The following FGF7 variants were observed in gnomAD, a reference collection of about 807,000 sequenced individuals.
FGF7 encodes the protein FGF-7.
FGF7 carries 6 observed loss-of-function variants against 20.5 expected under a neutral mutation model. The ratio of observed to expected loss-of-function variants is 0.29; its 90% CI spans 0.16 to 0.58. The LOEUF is 0.58. FGF7 is among the 20% of genes least tolerant of loss of function. The probability of loss-of-function intolerance (pLI) is 0.90; values close to 1 mark genes in which losing one functional copy is unlikely to be tolerated. For missense variants in FGF7, 144 were observed against 228.8 expected (o/e 0.63, Z 2.39); for synonymous variants, 64 against 74.7 (o/e 0.86, Z 0.74).
At chr15:49,441,477 C>T (rs1417092497) in intron 2 of FGF7, among the ~76,000 whole-genome samples, 1 of 151,564 alleles carries the variant, frequency 6.6e-6, no homozygotes, top group Admixed American at 6.6e-5. Flanking sequence ...GGCCACAGTT[C>T]CAACAGGAGC....
intron 2 of FGF7, among the ~76,000 whole-genome samples, chr15:49,436,129 TA>T (rs958228606): frequency 6.6e-6 from 1 of 151,618 alleles, no homozygotes; most frequent in African/African-American, 2.4e-5. Context: ...CTAACTGTTT[TA>T]AAATTATACA....
At chr15:49,478,697 T>C (rs1341727196) in intron 2 of FGF7, among the ~76,000 whole-genome samples, 1 of 152,160 alleles carries the variant, frequency 6.6e-6, no homozygotes, top group Non-Finnish European at 1.5e-5. Context: ...TTAGTTATCA[T>C]GCTAGCACAG....
At chr15:49,437,845 G>A (rs2051250306) in intron 2 of FGF7, among the ~76,000 whole-genome samples, 2 of 151,758 alleles carry the variant, frequency 1.3e-5, no homozygotes, top group African/African-American at 4.8e-5. Context: ...AGTAAGTACT[G>A]TGAAAAAGGT....
chr15:49,433,028 A>C (rs2050755531), intron 2 of FGF7, among the ~76,000 whole-genome samples: 2 of 151,550 alleles, frequency 1.3e-5, no homozygotes, highest in Admixed American at 1.3e-4. Context: ...TTGGAGCAAA[A>C]TTTGTTGCTA....
rs1315718811 is a variant in FGF7 at position 49,485,244 on chromosome 15, T to C, written c.*740T>C. On this transcript the variant is annotated 3_prime_UTR_variant, in exon 4 of 4. Coordinates refer to ENST00000267843, the MANE Select transcript of FGF7 (RefSeq NM_002009.4). ...TTGATGATAATACTGTACTTCATCTTACTTGCCACAAAATAACATTTTATA... is the reference window on the plus strand; with the variant it reads ...TTGATGATAATACTGTACTTCATCTCACTTGCCACAAAATAACATTTTATA... 1.3e-5 allele frequency: 2 copies of C among 152,360 alleles called. No individual in the cohort carries two copies. The highest frequency in any genetic ancestry group is 6.6e-5 in the Admixed American group (1 of 15,214). The allele number at this position is 152,360 out of a possible 1,614,324, so 9.4% of individuals were successfully genotyped here. A position where few individuals can be genotyped will look rare whatever the true frequency, so the allele number is the denominator to read the frequency against.
intron 2 of FGF7, among the ~76,000 whole-genome samples, chr15:49,438,557 AAT>A (rs201585242): frequency 0.023 from 3,534 of 151,820 alleles, 87 homozygotes; most frequent in South Asian, 0.13. Context: ...TATAAATATT[AAT>A]ACACATTATA....
chr15:49,477,450 T>A (rs2151994009), intron 2 of FGF7, among the ~76,000 whole-genome samples: 1 of 152,364 alleles, frequency 6.6e-6, no homozygotes, highest in Middle Eastern at 3.4e-3. Flanking sequence ...TTTTTCAGAC[T>A]GGTTTCTTTC....
intron 2 of FGF7, among the ~76,000 whole-genome samples, chr15:49,469,329 G>A (rs1459826827): frequency 1.3e-5 from 2 of 151,718 alleles, no homozygotes; most frequent in East Asian, 3.9e-4. Context: ...TTTATTCCAG[G>A]GATACTCTTA....
At chr15:49,470,150 A>T (rs2054608798) in intron 2 of FGF7, among the ~76,000 whole-genome samples, 3 of 152,162 alleles carry the variant, frequency 2.0e-5, no homozygotes, top group Non-Finnish European at 2.9e-5. Flanking sequence ...AAATGATGGA[A>T]TTCTAAAATG....
chr15:49,423,639 G>A (rs1434051090), intron 1 of FGF7, among the ~76,000 whole-genome samples, 199 bp downstream of exon 1: 3 of 152,118 alleles, frequency 2.0e-5, no homozygotes, highest in Non-Finnish European at 2.9e-5. Context: ...AAAAAACCTG[G>A]GCAGTTCAGG....
intron 2 of FGF7, among the ~76,000 whole-genome samples, chr15:49,473,489 T>C (rs377759650): frequency 8.5e-5 from 13 of 152,162 alleles, no homozygotes; most frequent in African/African-American, 3.1e-4. Context: ...ACAGTCCTAG[T>C]GCCAAGAATG....
At chr15:49,474,399 A>G (rs2055054996) in intron 2 of FGF7, among the ~76,000 whole-genome samples, 1 of 152,222 alleles carries the variant, frequency 6.6e-6, no homozygotes, top group Non-Finnish European at 1.5e-5. Context: ...ATATTCACGT[A>G]TAATTGGTAA....
intron 2 of FGF7, among the ~76,000 whole-genome samples, chr15:49,466,421 G>C (rs1434830342): frequency 6.6e-6 from 1 of 152,164 alleles, no homozygotes; most frequent in African/African-American, 2.4e-5. Flanking sequence ...GAAGTCAAAG[G>C]ATCTTCTAAG....
intron 2 of FGF7, among the ~76,000 whole-genome samples, chr15:49,437,434 C>T (rs990888924): frequency 6.6e-6 from 1 of 151,526 alleles, no homozygotes; most frequent in African/African-American, 2.4e-5. Context: ...TAGGACTGCG[C>T]TCCACAAAAA....
Position 49,451,814 on chromosome 15 carries a change from C to T in FGF7, c.286+27231C>T, listed in dbSNP as rs563625815. Among the ~76,000 whole-genome samples, 141 of 152,166 alleles carry T rather than the reference C, an allele frequency of 9.3e-4. 5 individuals carry two copies. The South Asian group carries it at 0.027, about 29-fold the overall frequency. On this transcript the variant is annotated intron_variant, in intron 2 of 3. Coordinates refer to ENST00000267843, the MANE Select transcript of FGF7 (RefSeq NM_002009.4). ...GTAATACTTATATAGCAATCAAGAG[C>T]GGTCAAGTAAATCTTTTACCTAGGA...
At chr15:49,431,968 A>G (rs937403321) in intron 2 of FGF7, among the ~76,000 whole-genome samples, 45 of 151,670 alleles carry the variant, frequency 3.0e-4, no homozygotes, top group African/African-American at 1.1e-3. Context: ...ATGATAATAA[A>G]TTATTACAGG....
At chr15:49,456,780 T>G (rs2053333471) in intron 2 of FGF7, among the ~76,000 whole-genome samples, 1 of 151,980 alleles carries the variant, frequency 6.6e-6, no homozygotes. Flanking sequence ...TATTGACAGG[T>G]GATGGGAAGT....
chr15:49,434,047 C>G (rs535683114), intron 2 of FGF7, among the ~76,000 whole-genome samples: 4 of 151,626 alleles, frequency 2.6e-5, no homozygotes, highest in African/African-American at 9.7e-5. Flanking sequence ...GAAGAGAGAA[C>G]TGGGGAGAAG....
chr15:49,432,559 T>C (rs1256339671), intron 2 of FGF7, among the ~76,000 whole-genome samples: 5 of 151,730 alleles, frequency 3.3e-5, no homozygotes, highest in African/African-American at 1.2e-4. Context: ...TTTATTAAAT[T>C]TCAACTTGAG....
Sources: allele counts gnomAD v4.1 joint callset (sites outside exome capture counted in the v4.1 genomes callset), GRCh38; gene constraint gnomAD v4.1.1; transcripts MANE v1.5; gene names NCBI Gene and HGNC (gene_info 2026-07-23, HGNC 2026-07-21).